Variants in SERINC3 observed in about 807,000 individuals in gnomAD.
SERINC3 encodes the protein tumor differentially expressed protein 1.
In SERINC3, 22 loss-of-function variants were observed where a neutral mutation model predicts 52.1. The ratio of observed to expected loss-of-function variants is 0.42; its 90% CI spans 0.30 to 0.60. SERINC3 has a LOEUF of 0.60. SERINC3 is among the 20% of genes least tolerant of loss of function. SERINC3 has a pLI of 0.16. For synonymous variants in SERINC3, 226 were observed against 212.7 expected (o/e 1.06, Z -0.54); for missense variants, 564 against 584.6 (o/e 0.96, Z 0.36).
rs2064257392 is a variant in SERINC3, at chr20:44,497,969, A to G, written c.*2327T>C. On this transcript the variant is annotated 3_prime_UTR_variant, in exon 10 of 10. Transcript: ENST00000342374. The stretch of plus-strand genomic sequence containing the variant: ...TGCAAAATAACTTTATTCTTTAACA[A>G]TCTTGTACACTAGGCACCAACACTG... 1 of 152,208 alleles carries G rather than the reference A, an allele frequency of 6.6e-6. No individual in the cohort carries two copies. The highest frequency in any genetic ancestry group is 1.5e-5 in the Non-Finnish European group (1 of 68,036). 9.4% of individuals were successfully genotyped at this position (152,208 alleles called of 1,614,324 possible). A position where few individuals can be genotyped will look rare whatever the true frequency, so the allele number is the denominator to read the frequency against.
chr20:44,502,785 C>T (rs937503404), intron 8 of SERINC3, among the ~76,000 whole-genome samples: 4 of 151,790 alleles, frequency 2.6e-5, no homozygotes, highest in Non-Finnish European at 4.4e-5. Context: ...TTTATAGAGA[C>T]GGGCTCTTAC....
chr20:44,517,655 T>G (rs770578011), intron 1 of SERINC3, among the ~76,000 whole-genome samples: 26 of 151,640 alleles, frequency 1.7e-4, no homozygotes, highest in Non-Finnish European at 1.8e-4. Flanking sequence ...GAACCAACCC[T>G]GCTGACACCT....
In SERINC3 at chr20:44,510,036, A is replaced by C; in HGVS notation, c.476-8T>G. 1 of 1,613,600 alleles carries C rather than the reference A, an allele frequency of 6.2e-7. No individual in the cohort carries two copies. Among genetic ancestry groups the C allele is most frequent in the Non-Finnish European group, 8.5e-7 (1 of 1,179,526 alleles). On this transcript the variant is annotated splice_region_variant and splice_polypyrimidine_tract_variant and intron_variant, in intron 4 of 9. Transcript: ENST00000342374. The stretch of plus-strand genomic sequence containing the variant: ...TGCCAACAACAAACCAGACTACAAG[A>C]ACCAAGAGAACAAAGTTATTCTCTA...
intron 4 of SERINC3, among the ~76,000 whole-genome samples, 162 bp from the exon 5 acceptor site, chr20:44,510,190 T>G (rs111463504): frequency 1.8e-3 from 272 of 152,356 alleles, no homozygotes; most frequent in Non-Finnish European, 3.1e-3. Context: ...TCTTAAAAGC[T>G]TTCTACTGGG....
chr20:44,503,778 T>C, intron 8 of SERINC3, 37 bp downstream of exon 8: 1 of 1,451,308 alleles, frequency 6.9e-7, no homozygotes, highest in Non-Finnish European at 9.2e-7. Context: ...ATTATCAACC[T>C]CCATGAAAAT....
rs536477793 is a variant in SERINC3 at position 44,506,700 on chromosome 20, G to T, written c.783+127C>A. ...TATAGGCATGAAATAGAATTATGAA[G>T]ACTTTATAATATGGAAAAATGTTCA... On this transcript the variant is annotated intron_variant, in intron 6 of 9. Transcript: ENST00000342374. 1.4e-5 allele frequency: 6 copies of T among 433,046 alleles called. No individual in the cohort carries two copies. The South Asian group carries it at 5.5e-4, about 40-fold the overall frequency. 26.8% of individuals were successfully genotyped at this position (433,046 alleles called of 1,614,324 possible).
intron 8 of SERINC3, among the ~76,000 whole-genome samples, chr20:44,502,113 A>G (rs1309960974): frequency 6.6e-6 from 1 of 152,242 alleles, no homozygotes; most frequent in East Asian, 1.9e-4. Flanking sequence ...ACAATGTAGT[A>G]AAATTCTAGC....
At chr20:44,500,558 T>G in intron 9 of SERINC3, 124 bp from the exon 10 acceptor site, 1 of 1,065,532 alleles carries the variant, frequency 9.4e-7, no homozygotes, top group Non-Finnish European at 1.4e-6. Flanking sequence ...TACCCCCCAG[T>G]AGGGTTGAAG....
In SERINC3 at chr20:44,501,098, T is replaced by C. The variant is rs759408197; in HGVS notation, c.1258A>G (p.Met420Val). The change falls in exon 9 of 10, where the codon ATG becomes GTG. Residue 420 changes from methionine (M) to valine (V), a missense_variant. Met to Val is a conservative substitution (Grantham distance 21). Transcript: ENST00000342374. ...CTGTACCAGCTGGTCAGGGTCATCA[T>C]GATGTACAAGGAAGCCAAGCAGAGC... is the stretch of plus-strand genomic sequence containing the variant. ...LMLCLASLYIMMTLTSWYSPD... is the reference protein window; with the variant it reads ...LMLCLASLYIVMTLTSWYSPD... 2.0e-5 allele frequency: 32 copies of C among 1,613,898 alleles called. No homozygotes were observed. In the Admixed American group the frequency reaches 5.0e-4, roughly 25 times the overall value.
At chr20:44,512,059 G>A (rs1296642741) in intron 3 of SERINC3, among the ~76,000 whole-genome samples, 1 of 152,138 alleles carries the variant, frequency 6.6e-6, no homozygotes, top group African/African-American at 2.4e-5. Flanking sequence ...ACGCCTGTAA[G>A]CCCAGCACTT....
intron 1 of SERINC3, 34 bp downstream of exon 1, chr20:44,521,879 C>T (rs1197329311): frequency 6.3e-7 from 1 of 1,594,934 alleles, no homozygotes; most frequent in Admixed American, 1.7e-5. Flanking sequence ...CCGCAAACCG[C>T]AGGTCCGGCG....
intron 5 of SERINC3, among the ~76,000 whole-genome samples, chr20:44,507,522 G>A (rs2064322323): frequency 6.6e-6 from 1 of 152,138 alleles, no homozygotes; most frequent in Non-Finnish European, 1.5e-5. Context: ...TGGCTCATTT[G>A]CTATTTTTTA....
Position 44,507,002 on chromosome 20 carries a change from GA to G in SERINC3, c.614-7del. On this transcript the variant is annotated splice_polypyrimidine_tract_variant and splice_region_variant and intron_variant, in intron 5 of 9. Transcript: ENST00000342374. Reference sequence around the variant, plus strand: ...GCTTGTGAAAGACAGTAAAGCTGGAGAAAGGGAAACCAATATGAATGACCAC... The same window carrying G: ...GCTTGTGAAAGACAGTAAAGCTGGAGAAGGGAAACCAATATGAATGACCAC... The G allele has an allele frequency of 6.3e-7, 1 of 1,586,716 alleles. No homozygotes were observed. Among genetic ancestry groups the G allele is most frequent in the Non-Finnish European group, 8.6e-7 (1 of 1,169,154 alleles).
chr20:44,510,169 C>T, intron 4 of SERINC3, 141 bp from the exon 5 acceptor site: 1 of 753,166 alleles, frequency 1.3e-6, no homozygotes, highest in Non-Finnish European at 2.1e-6. Context: ...AGATTCCAAA[C>T]TCAACGGCAT....
At chr20:44,521,029 G>T (rs947767008) in intron 1 of SERINC3, among the ~76,000 whole-genome samples, 1 of 152,216 alleles carries the variant, frequency 6.6e-6, no homozygotes, top group Non-Finnish European at 1.5e-5. Context: ...AGGGCACCAA[G>T]TTGGCATCCC....
At chr20:44,515,364 G>C (rs1242305466) in intron 1 of SERINC3, among the ~76,000 whole-genome samples, 1 of 151,996 alleles carries the variant, frequency 6.6e-6, no homozygotes, top group Non-Finnish European at 1.5e-5. Context: ...TCTATACAAT[G>C]GCTTATTCAG....
At chr20:44,506,191 G>A (rs912560308) in intron 6 of SERINC3, among the ~76,000 whole-genome samples, 1 of 148,534 alleles carries the variant, frequency 6.7e-6, no homozygotes, top group Non-Finnish European at 1.5e-5. Flanking sequence ...CAAGGCTGGA[G>A]AATCACTGGA....
At chr20:44,513,163 A>C (rs2064359076) in intron 2 of SERINC3, among the ~76,000 whole-genome samples, 169 bp from the exon 3 acceptor site, 1 of 152,206 alleles carries the variant, frequency 6.6e-6, no homozygotes, top group Non-Finnish European at 1.5e-5. Context: ...GTTACCAAAC[A>C]GTATAAATAA....
At chr20:44,521,127 G>T (rs901762930) in intron 1 of SERINC3, among the ~76,000 whole-genome samples, 2 of 152,246 alleles carry the variant, frequency 1.3e-5, no homozygotes, top group Non-Finnish European at 2.9e-5. Flanking sequence ...GAGTACAGCA[G>T]GAGAAACTGA....
Sources: allele counts gnomAD v4.1 joint callset (sites outside exome capture counted in the v4.1 genomes callset), GRCh38; gene constraint gnomAD v4.1.1; transcripts MANE v1.5; gene names NCBI Gene and HGNC (gene_info 2026-07-23, HGNC 2026-07-21).